ADGRG1: variants seen among roughly 807,000 people sequenced by gnomAD.
ADGRG1 encodes adhesion G protein-coupled receptor G1.
ADGRG1 carries 53 observed loss-of-function variants against 73.5 expected under a neutral mutation model. That is an observed-to-expected ratio of 0.72 (90% CI 0.58 to 0.91). The LOEUF is 0.91. Among genes scored for constraint, ADGRG1 ranks in the 40% least tolerant of loss-of-function variants. The pLI, the probability that ADGRG1 is intolerant of heterozygous loss-of-function variation, is 0.00. For synonymous variants in ADGRG1, 394 were observed against 374.4 expected, an observed-to-expected ratio of 1.05 and a Z score of -0.60; for missense variants, 795 against 871.8, an observed-to-expected ratio of 0.91 and a Z score of 1.11.
At chr16:57,639,784 C>A in intron 1 of ADGRG1, 1 of 790,234 alleles carries the variant, frequency 1.3e-6, no homozygotes, top group Non-Finnish European at 1.5e-6. Context: ...CCCTCCAGCT[C>A]GCCTCCTTCC....
At chr16:57,663,316 T>G (rs577547287) in intron 13 of ADGRG1, 136 bp from the exon 14 acceptor site, 1 of 1,529,916 alleles carries the variant, frequency 6.5e-7, no homozygotes, top group South Asian at 1.2e-5. Context: ...CTGGGTCTCA[T>G]GGGTGCCCGA....
chr16:57,622,522 C>T (rs1287739945), intron 2 of ADGRG1, among the ~76,000 whole-genome samples: 4 of 152,012 alleles, frequency 2.6e-5, no homozygotes, highest in African/African-American at 4.8e-5. Context: ...AGAGTCTCAC[C>T]GAAGAACCCA....
chr16:57,661,641 C>T (rs1041244877), intron 12 of ADGRG1, 56 bp from the exon 13 acceptor site: 2 of 1,574,504 alleles, frequency 1.3e-6, no homozygotes, highest in Non-Finnish European at 1.7e-6. Flanking sequence ...CAACCACAGC[C>T]CAGGAAATGC....
At chr16:57,623,887 T>G (rs904400384), upstream of ADGRG1, 1 of 919,578 alleles carries the variant, frequency 1.1e-6, no homozygotes, top group Non-Finnish European at 1.3e-6. Flanking sequence ...TGGTCTGAGA[T>G]CAGGTCCTGA....
chr16:57,644,548 C>G (rs1392953780), intron 1 of ADGRG1, among the ~76,000 whole-genome samples: 1 of 142,688 alleles, frequency 7.0e-6, no homozygotes, highest in Non-Finnish European at 1.5e-5. Flanking sequence ...CAGGCACACA[C>G]ATGCACACAC....
At chr16:57,629,943 G>T (rs1390632628) in intron 1 of ADGRG1, 1 of 943,582 alleles carries the variant, frequency 1.1e-6, no homozygotes, top group Admixed American at 6.2e-5. Context: ...GGAGGGGATG[G>T]GTCAAGGCAG....
At chr16:57,654,280 C>A in intron 5 of ADGRG1, 147 bp downstream of exon 5, 2 of 777,368 alleles carry the variant, frequency 2.6e-6, no homozygotes, top group Non-Finnish European at 4.1e-6. Context: ...GGATAGCCAT[C>A]CTAAGTCAGT....
intron 9 of ADGRG1, 25 bp from the exon 10 acceptor site, chr16:57,657,348 G>A (rs2045987735): frequency 6.2e-7 from 1 of 1,613,620 alleles, no homozygotes; most frequent in Non-Finnish European, 8.5e-7. Context: ...ACAGAGGCCA[G>A]CTCTCTCCTG....
Position 57,657,368 on chromosome 16 carries a change from G to T in ADGRG1, c.1168-5G>T. On this transcript the variant is annotated splice_polypyrimidine_tract_variant and splice_region_variant and intron_variant, in intron 9 of 13. Transcript: ENST00000562631. Reference sequence around the variant, plus strand: ...GGCCAGCTCTCTCCTGTCTCCTGGGGCCAGGTCTCCTCGGTGGAGGTGGAC... The same window carrying T: ...GGCCAGCTCTCTCCTGTCTCCTGGGTCCAGGTCTCCTCGGTGGAGGTGGAC... The T allele has an allele frequency of 6.2e-7, 1 of 1,613,958 alleles. No individual in the cohort carries two copies. Among genetic ancestry groups the T allele is most frequent in the South Asian group, 1.1e-5 (1 of 91,084 alleles).
At chr16:57,639,032 T>C (rs1350359380) in intron 1 of ADGRG1, among the ~76,000 whole-genome samples, 1 of 151,024 alleles carries the variant, frequency 6.6e-6, no homozygotes, top group African/African-American at 2.4e-5. Context: ...ATCACGCCAC[T>C]GCACTCCAGC....
intron 9 of ADGRG1, 81 bp from the exon 10 acceptor site, chr16:57,657,292 A>G (rs2148469087): frequency 6.2e-7 from 1 of 1,602,074 alleles, no homozygotes; most frequent in South Asian, 1.1e-5. Context: ...CAGGGACCCC[A>G]GGTTAGCCCC....
chr16:57,625,197 G>A (rs1389435407), upstream of ADGRG1, among the ~76,000 whole-genome samples: 1 of 152,122 alleles, frequency 6.6e-6, no homozygotes, highest in African/African-American at 2.4e-5. Context: ...ACCTTCTCTG[G>A]GCCTGGCGAC....
intron 1 of ADGRG1, chr16:57,629,560 G>C (rs1255881309): frequency 6.6e-6 from 1 of 152,212 alleles, no homozygotes; most frequent in Non-Finnish European, 1.5e-5. Context: ...CTGTCCCTGG[G>C]GCTGGGTCCG....
chr16:57,663,705 C>G lies in ADGRG1; in HGVS notation c.*123C>G. ...CGCAGACTTTGGAAAGCCCAACGAC[C>G]ATGGAGAGATGGGCCGTTGCCATGG... On this transcript the variant is annotated 3_prime_UTR_variant, in exon 14 of 14. Transcript: ENST00000562631. The G allele has an allele frequency of 8.8e-7, 1 of 1,134,240 alleles. No individual in the cohort carries two copies. Among genetic ancestry groups the G allele is most frequent in the Non-Finnish European group, 1.3e-6 (1 of 770,958 alleles). 70.3% of individuals were successfully genotyped at this position (1,134,240 alleles called of 1,614,324 possible).
At position 57,659,499 on chromosome 16, in the gene ADGRG1, A is replaced by T. The variant is rs2046549538; in HGVS notation, c.1373A>T (p.Glu458Val). 6.2e-7 allele frequency: 1 copy of T among 1,613,932 alleles called. No homozygotes were observed. The highest frequency in any genetic ancestry group is 1.1e-5 in the South Asian group (1 of 91,082). The change falls in exon 11 of 14, where the codon GAG becomes GTG. Residue 458 changes from glutamate to valine, a missense_variant. Physicochemically the swap from Glu to Val is moderately radical, Grantham distance 121. Coordinates refer to ENST00000562631, the MANE Select transcript of ADGRG1 (RefSeq NM_201525.4). ...CTGGACACGAGCTTCCTGCTCAGCG[A>T]GCCGGTGGCCCTGACAGGCTCTGAG... Reference protein sequence around the residue: ...FLLDTSFLLSEPVALTGSEAG... With the variant: ...FLLDTSFLLSVPVALTGSEAG...
rs554593338 is a variant in ADGRG1 at position 57,641,732 on chromosome 16, T to TTTTG, written c.-35-8509_-35-8506dup. On this transcript the variant is annotated intron_variant, in intron 1 of 13. Coordinates refer to ENST00000562631, the MANE Select transcript of ADGRG1 (RefSeq NM_201525.4). Reference sequence around the variant, plus strand: ...AGGTGTGTGCCACTATGCCCAGTAATTTTGTTTGTTTGTTTAGAGATAGGG... The same window carrying TTTTG: ...AGGTGTGTGCCACTATGCCCAGTAATTTTGTTTGTTTGTTTGTTTAGAGATAGGG... 1.7e-4 allele frequency: 33 copies of TTTTG among 189,990 alleles called. No homozygotes were observed. In the East Asian group the frequency reaches 5.8e-3, roughly 34 times the overall value. The allele number at this position is 189,990 out of a possible 1,614,324, so 11.8% of individuals were successfully genotyped here. A position where few individuals can be genotyped will look rare whatever the true frequency, so the allele number is the denominator to read the frequency against.
At chr16:57,630,264 C>T (rs540877946) in intron 1 of ADGRG1, 1 of 617,072 alleles carries the variant, frequency 1.6e-6, no homozygotes, top group African/African-American at 2.0e-5. Flanking sequence ...GCATTAATAA[C>T]CATGGGCTGC....
At chr16:57,662,357 G>A (rs922698251) in intron 13 of ADGRG1, among the ~76,000 whole-genome samples, 16 of 152,162 alleles carry the variant, frequency 1.1e-4, no homozygotes, top group Admixed American at 7.2e-4. Context: ...GGCCAGGGAG[G>A]CCTCTCTGGA....
intron 12 of ADGRG1, 33 bp from the exon 13 acceptor site, chr16:57,661,664 C>G (rs771005870): frequency 6.2e-7 from 1 of 1,601,260 alleles, no homozygotes; most frequent in South Asian, 1.1e-5. Context: ...CCCGTGCTGG[C>G]CACACGCTGA....
Sources: gnomAD v4.1 joint callset for allele counts (sites outside exome capture counted in the v4.1 genomes callset) on GRCh38, gnomAD v4.1.1 for gene constraint, MANE v1.5 for transcripts, NCBI Gene and HGNC (gene_info 2026-07-23, HGNC 2026-07-21) for gene names.